The following C2CD4C variants were observed in gnomAD, a reference collection of about 807,000 sequenced individuals.
C2CD4C encodes C2 calcium dependent domain containing 4C, also known as C2 calcium-dependent domain-containing protein 4C.
In C2CD4C, 3 loss-of-function variants were observed where a neutral mutation model predicts 4.1. The observed-to-expected ratio is 0.73, with a 90% confidence interval of 0.33 to 1.88. The LOEUF (loss-of-function observed/expected upper bound fraction) is 1.88. C2CD4C is among the 40% of genes most tolerant of loss of function. C2CD4C has a pLI of 0.08. For synonymous variants in C2CD4C, 364 were observed against 290.4 expected (o/e 1.25, Z -2.57); for missense variants, 664 against 621.5 (o/e 1.07, Z -0.73).
chr19:407,985 G>A lies in C2CD4C; in HGVS notation c.377C>T (p.Thr126Ile). 1 of 1,549,142 alleles carries A rather than the reference G, an allele frequency of 6.5e-7. No homozygotes were observed. Among genetic ancestry groups the A allele is most frequent in the Non-Finnish European group, 8.7e-7 (1 of 1,146,532 alleles). The change falls in exon 2 of 2, where the codon ACT becomes ATT. Residue 126 changes from threonine (T) to isoleucine (I), a missense_variant. Coordinates refer to ENST00000332235, the MANE Select transcript of C2CD4C (RefSeq NM_001136263.2). ...SAEDWLSEEA[T>I]DADPQAQGAM... is the part of the protein sequence containing the mutation. ...ACCCTGGGCCTGGGGGTCGGCGTCA[G>A]TGGCCTCCTCGGACAGCCAGTCCTC...
rs1342622321 is a variant in C2CD4C, at chr19:407,943, G to A, written c.419C>T (p.Ser140Leu). Residue 140 changes from serine to leucine, a missense_variant, in exon 2 of 2, where the codon TCG becomes TTG. Coordinates refer to ENST00000332235, the MANE Select transcript of C2CD4C (RefSeq NM_001136263.2). The part of the protein sequence containing the change: ...PQAQGAMSLP[S>L]VPKAQTSYGF... Reference sequence around the variant, plus strand: ...GTAGGACGTCTGGGCCTTGGGCACCGAGGGCAGGGACATGGCACCCTGGGC... The same window carrying A: ...GTAGGACGTCTGGGCCTTGGGCACCAAGGGCAGGGACATGGCACCCTGGGC... 6 of 1,548,656 alleles carry A rather than the reference G, an allele frequency of 3.9e-6. No homozygotes were observed. Among genetic ancestry groups the A allele is most frequent in the Admixed American group, 2.0e-5 (1 of 50,726 alleles).
Position 407,743 on chromosome 19 carries a change from G to T in C2CD4C, c.619C>A (p.Pro207Thr). Residue 207 changes from proline to threonine, a missense_variant, in exon 2 of 2, where the codon CCC becomes ACC. Transcript: ENST00000332235. ...PREAGGALMS[P>T]GRYFSGGESD... ...TCCCCGCCACTGAAGTAGCGGCCGG[G>T]GCTCATGAGGGCCCCGCCAGCCTCC... is the stretch of plus-strand genomic sequence containing the variant. 2 of 1,519,120 alleles carry T rather than the reference G, an allele frequency of 1.3e-6. No individual in the cohort carries two copies. Among genetic ancestry groups the T allele is most frequent in the African/African-American group, 1.4e-5 (1 of 71,632 alleles). The allele number at this position is 1,519,120 out of a possible 1,614,324, so 94.1% of individuals were successfully genotyped here. A position where few individuals can be genotyped will look rare whatever the true frequency, so the allele number is the denominator to read the frequency against.
Position 407,246 on chromosome 19 carries a change from G to C in C2CD4C, c.1116C>G (p.Asn372Lys). Residue 372 changes from asparagine to lysine, a missense_variant, in exon 2 of 2, where the codon AAC becomes AAG. Physicochemically the swap from Asn to Lys is moderately conservative, Grantham distance 94 (BLOSUM62 0). Transcript: ENST00000332235. ...IVKNSRRPVF[N>K]EDFFFDGLGP... is the part of the protein sequence containing the mutation. ...CCAGGCCGTCGAAGAAGAAATCCTC[G>C]TTGAAGACGGGGCGGCGGCTGTTCT... 1.3e-6 allele frequency: 2 copies of C among 1,550,240 alleles called. No homozygotes were observed. The highest frequency in any genetic ancestry group is 8.7e-7 in the Non-Finnish European group (1 of 1,146,868).
At position 407,285 on chromosome 19, in the gene C2CD4C, G is replaced by A; in HGVS notation, c.1077C>T (p.Arg359=). Residue 359 remains arginine, a synonymous_variant, in exon 2 of 2, where the codon CGC becomes CGT. Coordinates refer to ENST00000332235, the MANE Select transcript of C2CD4C (RefSeq NM_001136263.2). ...GGCGGCTGTTCTTCACGATGGTGCT[G>A]CGCTGCTTCTGCAGCTTGCCCGGCA... ...CLVPGKLQKQ[R]STIVKNSRRP... is the part of the protein sequence containing the mutation. The A allele has an allele frequency of 6.5e-7, 1 of 1,550,094 alleles. No homozygotes were observed. The highest frequency in any genetic ancestry group is 2.4e-5 in the East Asian group (1 of 40,908).
rs753037830 is a variant in C2CD4C, at chr19:407,989, C to T, written c.373G>A (p.Ala125Thr). Residue 125 changes from alanine to threonine, a missense_variant, in exon 2 of 2, where the codon GCC (alanine) becomes ACC (threonine). Physicochemically the swap from Ala to Thr is moderately conservative, Grantham distance 58. Coordinates refer to ENST00000332235, the MANE Select transcript of C2CD4C (RefSeq NM_001136263.2). ...ESAEDWLSEE[A>T]TDADPQAQGA... ...TGGGCCTGGGGGTCGGCGTCAGTGG[C>T]CTCCTCGGACAGCCAGTCCTCGGCA... 1.9e-6 allele frequency: 3 copies of T among 1,548,924 alleles called. No individual in the cohort carries two copies. Among genetic ancestry groups the T allele is most frequent in the Non-Finnish European group, 1.7e-6 (2 of 1,146,504 alleles).
rs1436306967 is a variant in C2CD4C at position 408,334 on chromosome 19, C to G, written c.28G>C (p.Glu10Gln). 1 of 1,548,026 alleles carries G rather than the reference C, an allele frequency of 6.5e-7. No individual in the cohort carries two copies. The highest frequency in any genetic ancestry group is 8.7e-7 in the Non-Finnish European group (1 of 1,145,918). ...TTTTCCCCAGACCCCCGAAGCCGCT[C>G]CAAGAACCACATGTTGGTTTTTCTC... MRKTNMWFL[E>Q]RLRGSGENGA... The change falls in exon 2 of 2, where the codon GAG (glutamate) becomes CAG (glutamine). Residue 10 changes from glutamate (E) to glutamine (Q), a missense_variant. Transcript: ENST00000332235.
At chr19:408,772 AC>A (rs1226724596) in intron 1 of C2CD4C, among the ~76,000 whole-genome samples, 1 of 151,634 alleles carries the variant, frequency 6.6e-6, no homozygotes, top group Non-Finnish European at 1.5e-5. Context: ...ATGTGGGTGG[AC>A]CCCCGGGGTG....
At position 407,053 on chromosome 19, in the gene C2CD4C, G is replaced by C. The variant is rs1263021517; in HGVS notation, c.*43C>G. The C allele has an allele frequency of 1.1e-5, 16 of 1,497,784 alleles. No individual in the cohort carries two copies. The allele number at this position is 1,497,784 out of a possible 1,614,324, so 92.8% of individuals were successfully genotyped here. A position where few individuals can be genotyped will look rare whatever the true frequency, so the allele number is the denominator to read the frequency against. ...CACCCGGTGTGGAGGAGAGACCGGG[G>C]TCTGCCCTCTGCACCCGAGCGGACA... On this transcript the variant is annotated 3_prime_UTR_variant, in exon 2 of 2. Coordinates refer to ENST00000332235, the MANE Select transcript of C2CD4C (RefSeq NM_001136263.2).
At position 407,477 on chromosome 19, in the gene C2CD4C, C is replaced by A. The variant is rs1187894207; in HGVS notation, c.885G>T (p.Ala295=). ...PPEPGPESGQ[A]RGEHTVHVGP... is the part of the protein sequence containing the mutation. The stretch of plus-strand genomic sequence containing the variant: ...CCACGTGGACCGTGTGCTCCCCACG[C>A]GCCTGGCCCGACTCGGGGCCAGGTT... The change falls in exon 2 of 2, where the codon GCG becomes GCT. Residue 295 remains alanine (A), a synonymous_variant. Transcript: ENST00000332235. 2.1e-5 allele frequency: 29 copies of A among 1,385,756 alleles called. No individual in the cohort carries two copies. The highest frequency in any genetic ancestry group is 6.2e-5 in the African/African-American group (4 of 64,892). 85.8% of individuals were successfully genotyped at this position (1,385,756 alleles called of 1,614,324 possible).
At chr19:408,502 G>A in intron 1 of C2CD4C, 101 bp from the exon 2 acceptor site, 2 of 716,464 alleles carry the variant, frequency 2.8e-6, no homozygotes, top group Non-Finnish European at 4.3e-6. Flanking sequence ...CTGCCGGCGG[G>A]GTGGGGGTGG....
At position 407,075 on chromosome 19, in the gene C2CD4C, G is replaced by A. The variant is rs1158046174; in HGVS notation, c.*21C>T. 6.5e-7 allele frequency: 1 copy of A among 1,530,062 alleles called. No homozygotes were observed. Among genetic ancestry groups the A allele is most frequent in the African/African-American group, 1.4e-5 (1 of 72,828 alleles). The allele number at this position is 1,530,062 out of a possible 1,614,324, so 94.8% of individuals were successfully genotyped here. On this transcript the variant is annotated 3_prime_UTR_variant, in exon 2 of 2. Coordinates refer to ENST00000332235, the MANE Select transcript of C2CD4C (RefSeq NM_001136263.2). Reference sequence around the variant, plus strand: ...GGGGTCTGCCCTCTGCACCCGAGCGGACAGCGAGCAGGTCCCCGCTCTACA... The same window carrying A: ...GGGGTCTGCCCTCTGCACCCGAGCGAACAGCGAGCAGGTCCCCGCTCTACA...
chr19:407,504 C>T lies in C2CD4C; in HGVS notation c.858G>A (p.Pro286=), dbSNP rs1053128616. The T allele has an allele frequency of 2.8e-5, 39 of 1,381,212 alleles. No individual in the cohort carries two copies. In the East Asian group the frequency reaches 1.2e-3, roughly 41 times the overall value. The allele number at this position is 1,381,212 out of a possible 1,614,324, so 85.6% of individuals were successfully genotyped here. A position where few individuals can be genotyped will look rare whatever the true frequency, so the allele number is the denominator to read the frequency against. Residue 286 remains proline (P), a synonymous_variant, in exon 2 of 2, where the codon CCG becomes CCA. Coordinates refer to ENST00000332235, the MANE Select transcript of C2CD4C (RefSeq NM_001136263.2). The stretch of plus-strand genomic sequence containing the variant: ...CCTGGCCCGACTCGGGGCCAGGTTC[C>T]GGGGGTGCCCGGCGGGTCAGGCGGC... The part of the protein sequence containing the change: ...SRRRLTRRAP[P]EPGPESGQAR...
At position 405,963 on chromosome 19, in the gene C2CD4C, A is replaced by ACTGGC. The variant is rs71333284; in HGVS notation, c.*1128_*1132dup. 7,814 of 152,378 alleles carry ACTGGC rather than the reference A, an allele frequency of 0.051. 291 individuals carry two copies. Among genetic ancestry groups the ACTGGC allele is most frequent in the East Asian group, 0.18 (929 of 5,170 alleles). 9.4% of individuals were successfully genotyped at this position (152,378 alleles called of 1,614,324 possible). On this transcript the variant is annotated 3_prime_UTR_variant, in exon 2 of 2. Coordinates refer to ENST00000332235, the MANE Select transcript of C2CD4C (RefSeq NM_001136263.2). The stretch of plus-strand genomic sequence containing the variant: ...ACCAGCAGCCGGGAGAGGCGAAGGC[A>ACTGGC]CTGGCCTGGCCTGGCCCCTGCTTTG...
Position 407,568 on chromosome 19 carries a change from G to C in C2CD4C, c.794C>G (p.Ala265Gly). 1.4e-6 allele frequency: 2 copies of C among 1,417,984 alleles called. No homozygotes were observed. Among genetic ancestry groups the C allele is most frequent in the Non-Finnish European group, 1.8e-6 (2 of 1,085,626 alleles). The allele number at this position is 1,417,984 out of a possible 1,614,324, so 87.8% of individuals were successfully genotyped here. A position where few individuals can be genotyped will look rare whatever the true frequency, so the allele number is the denominator to read the frequency against. Residue 265 changes from alanine to glycine, a missense_variant, in exon 2 of 2, where the codon GCG (alanine) becomes GGG (glycine). By Grantham distance (60) the Ala-to-Gly change is moderately conservative. Transcript: ENST00000332235. ...HSVGRHGSLSADDSTPDASPG... is the reference protein window; with the variant it reads ...HSVGRHGSLSGDDSTPDASPG... ...GCTGGCGTCCGGGGTGCTGTCGTCCGCAGACAGGGAGCCGTGGCGGCCCAC... is the reference window on the plus strand; with the variant it reads ...GCTGGCGTCCGGGGTGCTGTCGTCCCCAGACAGGGAGCCGTGGCGGCCCAC...
In C2CD4C at chr19:407,215, C is replaced by A; in HGVS notation, c.1147G>T (p.Ala383Ser). The A allele has an allele frequency of 1.3e-6, 2 of 1,550,266 alleles. No individual in the cohort carries two copies. The highest frequency in any genetic ancestry group is 1.7e-6 in the Non-Finnish European group (2 of 1,146,884). Residue 383 changes from alanine to serine, a missense_variant, in exon 2 of 2, where the codon GCC becomes TCC. By Grantham distance (99) the Ala-to-Ser change is moderately conservative. Coordinates refer to ENST00000332235, the MANE Select transcript of C2CD4C (RefSeq NM_001136263.2). The part of the protein sequence containing the change: ...EDFFFDGLGP[A>S]SVRKLALRIK... ...CTGAGGGCCAGTTTCCGGACGCTGG[C>A]GGGCCCCAGGCCGTCGAAGAAGAAA...
In C2CD4C at chr19:407,532, C is replaced by G. The variant is rs1456306823; in HGVS notation, c.830G>C (p.Arg277Pro). The change falls in exon 2 of 2, where the codon CGG (arginine) becomes CCG (proline). Residue 277 changes from arginine to proline, a missense_variant. By Grantham distance (103) the Arg-to-Pro change is moderately radical. Transcript: ENST00000332235. ...GGGTGCCCGGCGGGTCAGGCGGCGC[C>G]GGCTCCCGGGGCTGGCGTCCGGGGT... ...DSTPDASPGS[R>P]RRLTRRAPPE... 6.5e-6 allele frequency: 9 copies of G among 1,386,584 alleles called. No individual in the cohort carries two copies. The highest frequency in any genetic ancestry group is 8.4e-6 in the Non-Finnish European group (9 of 1,071,740). The allele number at this position is 1,386,584 out of a possible 1,614,324, so 85.9% of individuals were successfully genotyped here.
chr19:407,961 C>A lies in C2CD4C; in HGVS notation c.401G>T (p.Gly134Val), dbSNP rs777483787. The A allele has an allele frequency of 3.0e-5, 46 of 1,549,008 alleles. No individual in the cohort carries two copies. Among genetic ancestry groups the A allele is most frequent in the Admixed American group, 5.9e-5 (3 of 50,874 alleles). The stretch of plus-strand genomic sequence containing the variant: ...GGGCACCGAGGGCAGGGACATGGCA[C>A]CCTGGGCCTGGGGGTCGGCGTCAGT... The part of the protein sequence containing the change: ...EATDADPQAQ[G>V]AMSLPSVPKA... The change falls in exon 2 of 2, where the codon GGT (glycine) becomes GTT (valine). Residue 134 changes from glycine to valine, a missense_variant. Physicochemically the swap from Gly to Val is moderately radical, Grantham distance 109 (BLOSUM62 -3). Transcript: ENST00000332235.
In C2CD4C at chr19:407,370, C is replaced by T. The variant is rs1445634932; in HGVS notation, c.992G>A (p.Gly331Asp). The T allele has an allele frequency of 1.3e-6, 2 of 1,541,066 alleles. No individual in the cohort carries two copies. The highest frequency in any genetic ancestry group is 2.0e-5 in the Admixed American group (1 of 50,904). The change falls in exon 2 of 2, where the codon GGC becomes GAC. Residue 331 changes from glycine to aspartate, a missense_variant. Coordinates refer to ENST00000332235, the MANE Select transcript of C2CD4C (RefSeq NM_001136263.2). Reference protein sequence around the residue: ...RLRVHLLAAEGLYDRLCDARS... With the variant: ...RLRVHLLAAEDLYDRLCDARS... ...GGCGTCGCACAGGCGGTCGTAGAGG[C>T]CCTCGGCGGCCAGCAGGTGCACCCG...
In C2CD4C at chr19:407,528, G is replaced by C; in HGVS notation, c.834C>G (p.Arg278=). ...STPDASPGSR[R]RLTRRAPPEP... is the part of the protein sequence containing the mutation. ...CCGGGGGTGCCCGGCGGGTCAGGCG[G>C]CGCCGGCTCCCGGGGCTGGCGTCCG... The change falls in exon 2 of 2, where the codon CGC becomes CGG. Residue 278 remains arginine, a synonymous_variant. Coordinates refer to ENST00000332235, the MANE Select transcript of C2CD4C (RefSeq NM_001136263.2). 1.4e-6 allele frequency: 2 copies of C among 1,385,142 alleles called. No homozygotes were observed. The highest frequency in any genetic ancestry group is 1.9e-6 in the Non-Finnish European group (2 of 1,071,276). The allele number at this position is 1,385,142 out of a possible 1,614,324, so 85.8% of individuals were successfully genotyped here. A position where few individuals can be genotyped will look rare whatever the true frequency, so the allele number is the denominator to read the frequency against.
Sources: gnomAD v4.1 joint callset for allele counts (sites outside exome capture counted in the v4.1 genomes callset) on GRCh38, gnomAD v4.1.1 for gene constraint, MANE v1.5 for transcripts, NCBI Gene and HGNC (gene_info 2026-07-23, HGNC 2026-07-21) for gene names.